The following CD36 variants were observed in gnomAD, a reference collection of about 807,000 sequenced individuals.
CD36 encodes the protein CD36 molecule (CD36 blood group), also known as platelet glycoprotein 4.
A neutral mutation model predicts 55.2 loss-of-function variants in CD36; 119 were observed. The ratio of observed to expected loss-of-function variants is 2.15; its 90% CI spans 1.86 to 2.51. The LOEUF (loss-of-function observed/expected upper bound fraction) is 2.51. Ranked by LOEUF, CD36 falls within the 30% of genes most tolerant of loss-of-function variation. The pLI is 0.00. For synonymous variants in CD36, 186 were observed against 193.6 expected, an observed-to-expected ratio of 0.96 and a Z score of 0.33; for missense variants, 819 against 555.5, an observed-to-expected ratio of 1.47 and a Z score of -4.77.
chr7:80,665,908 C>T (rs1044613736), intron 7 of CD36: 2 of 153,792 alleles, frequency 1.3e-5, no homozygotes, highest in Non-Finnish European at 2.9e-5. Flanking sequence ...TACTTTAACG[C>T]CAGTCCATGG....
chr7:80,618,162 T>C (rs535076422), intron 1 of CD36, among the ~76,000 whole-genome samples: 1 of 152,172 alleles, frequency 6.6e-6, no homozygotes, highest in Non-Finnish European at 1.5e-5. Context: ...AGCATTTAAC[T>C]CTTAGCTCAG....
At chr7:80,643,377 T>A (rs1412173773) in intron 1 of CD36, among the ~76,000 whole-genome samples, 4 of 152,266 alleles carry the variant, frequency 2.6e-5, no homozygotes, top group Admixed American at 6.5e-5. Context: ...AATGAGTAAT[T>A]TTTAGTGAAG....
chr7:80,644,305 C>A (rs953208655), intron 1 of CD36, among the ~76,000 whole-genome samples: 1 of 152,166 alleles, frequency 6.6e-6, no homozygotes, highest in Non-Finnish European at 1.5e-5. Context: ...GAAAATTCCA[C>A]AGGAAAAACA....
intron 3 of CD36, among the ~76,000 whole-genome samples, chr7:80,648,316 A>G (rs3211812): frequency 0.017 from 2,573 of 151,996 alleles, 71 homozygotes; most frequent in African/African-American, 0.058. Flanking sequence ...ACAGACTACA[A>G]CATCATTTGG....
chr7:80,641,955 A>G (rs551942958), intron 1 of CD36, among the ~76,000 whole-genome samples: 7 of 147,250 alleles, frequency 4.8e-5, no homozygotes, highest in African/African-American at 1.7e-4. Flanking sequence ...AAAAAAAAAA[A>G]AGTTATATTT....
intron 1 of CD36, among the ~76,000 whole-genome samples, chr7:80,609,378 A>G (rs1306207124): frequency 6.6e-6 from 1 of 152,148 alleles, no homozygotes; most frequent in African/African-American, 2.4e-5. Context: ...CCGGAGCTGT[A>G]CAATGCAGTC....
chr7:80,648,886 A>T (rs1795381574), intron 3 of CD36, among the ~76,000 whole-genome samples: 1 of 152,120 alleles, frequency 6.6e-6, no homozygotes, highest in South Asian at 2.1e-4. Context: ...AATGCTACCA[A>T]ATGCAGTGAA....
At position 80,678,081 on chromosome 7, in the gene CD36, A is replaced by ATGTGTGTGTGTGTGTG. The variant is rs4019437; in HGVS notation, c.*1715_*1730dup. 6.7e-6 allele frequency: 1 copy of ATGTGTGTGTGTGTGTG among 149,568 alleles called. No individual in the cohort carries two copies. The highest frequency in any genetic ancestry group is 2.1e-4 in the South Asian group (1 of 4,748). 9.3% of individuals were successfully genotyped at this position (149,568 alleles called of 1,614,324 possible). A position where few individuals can be genotyped will look rare whatever the true frequency, so the allele number is the denominator to read the frequency against. On this transcript the variant is annotated 3_prime_UTR_variant, in exon 15 of 15. Coordinates refer to ENST00000447544, the MANE Select transcript of CD36 (RefSeq NM_001001548.3). ...TTTTTACATGAAATCTGGGCTTTGG[A>ATGTGTGTGTGTGTGTG]TGTGTGTGTGTGTGTGTGTGTGTGT...
At chr7:80,610,013 C>T (rs1044218194) in intron 1 of CD36, among the ~76,000 whole-genome samples, 2 of 152,078 alleles carry the variant, frequency 1.3e-5, no homozygotes, top group Non-Finnish European at 2.9e-5. Flanking sequence ...TGGGTCTGAT[C>T]TAGGTTTAAA....
chr7:80,607,063 T>C (rs1362053762), intron 1 of CD36, among the ~76,000 whole-genome samples: 1 of 152,142 alleles, frequency 6.6e-6, no homozygotes, highest in Non-Finnish European at 1.5e-5. Flanking sequence ...TAAATCCTAT[T>C]ATTAAGAGGC....
In CD36 at chr7:80,673,163, A is replaced by G. The variant is rs539266813; in HGVS notation, c.1200-192A>G. ...GAAAGGAAAAATCCACACTTGTGAA[A>G]AAAAATCAATGTGATTAGAAGACAT... On this transcript the variant is annotated intron_variant, in intron 12 of 14. Transcript: ENST00000447544. The G allele has an allele frequency of 5.8e-6, 3 of 518,270 alleles. No individual in the cohort carries two copies. The East Asian group carries it at 9.3e-5, about 16-fold the overall frequency. The allele number at this position is 518,270 out of a possible 1,614,324, so 32.1% of individuals were successfully genotyped here. A position where few individuals can be genotyped will look rare whatever the true frequency, so the allele number is the denominator to read the frequency against.
intron 3 of CD36, among the ~76,000 whole-genome samples, chr7:80,654,880 GAAAAA>G (rs67640111): frequency 7.0e-6 from 1 of 142,964 alleles, no homozygotes; most frequent in Admixed American, 7.0e-5. Context: ...GAGGGTGACG[GAAAAA>G]AAAAAAAAAA....
At chr7:80,658,815 A>G (rs1229162468) in intron 4 of CD36, among the ~76,000 whole-genome samples, 1 of 152,120 alleles carries the variant, frequency 6.6e-6, no homozygotes, top group African/African-American at 2.4e-5. Context: ...ACTTTTAAAT[A>G]TATTATTTGG....
intron 7 of CD36, chr7:80,666,212 C>T: frequency 2.1e-6 from 1 of 481,262 alleles, no homozygotes; most frequent in Non-Finnish European, 3.7e-6. Flanking sequence ...TTCTAATTAA[C>T]ACCTGGCAGT....
chr7:80,605,381 TAAC>T (rs1792485501), intron 1 of CD36, among the ~76,000 whole-genome samples: 1 of 152,178 alleles, frequency 6.6e-6, no homozygotes, highest in African/African-American at 2.4e-5. Flanking sequence ...TGATGAAGGT[TAAC>T]AAACAAAAAC....
At chr7:80,622,894 T>C (rs1793546288) in intron 1 of CD36, among the ~76,000 whole-genome samples, 1 of 152,228 alleles carries the variant, frequency 6.6e-6, no homozygotes, top group Non-Finnish European at 1.5e-5. Flanking sequence ...ACAGCATTAT[T>C]GGGTTGTCTT....
At chr7:80,609,643 T>C (rs905166487) in intron 1 of CD36, among the ~76,000 whole-genome samples, 64 of 152,310 alleles carry the variant, frequency 4.2e-4, no homozygotes, top group African/African-American at 1.5e-3. Flanking sequence ...TTGCAAGGGC[T>C]ACTGATTGAT....
Position 80,661,143 on chromosome 7 carries a change from T to A in CD36, c.362T>A (p.Ile121Asn). The change falls in exon 5 of 15, where the codon ATC (isoleucine) becomes AAC (asparagine). Residue 121 changes from isoleucine (I) to asparagine (N), a missense_variant. Transcript: ENST00000447544. The part of the protein sequence containing the change: ...TVSFLQPNGA[I>N]FEPSLSVGTE... ...TCTTTCCTGCAGCCCAATGGTGCCA[T>A]CTTCGAACCTTCACTATCAGTTGGA... 6.2e-7 allele frequency: 1 copy of A among 1,614,006 alleles called. No individual in the cohort carries two copies. Among genetic ancestry groups the A allele is most frequent in the South Asian group, 1.1e-5 (1 of 91,084 alleles).
intron 1 of CD36, among the ~76,000 whole-genome samples, chr7:80,619,602 G>A (rs1793343756): frequency 7.0e-6 from 1 of 143,486 alleles, no homozygotes; most frequent in South Asian, 2.2e-4. Context: ...AGCCTATTTT[G>A]CACCAGTGCA....
Sources: allele counts gnomAD v4.1 joint callset (sites outside exome capture counted in the v4.1 genomes callset), GRCh38; gene constraint gnomAD v4.1.1; transcripts MANE v1.5; gene names NCBI Gene and HGNC (gene_info 2026-07-23, HGNC 2026-07-21).